Variants in RPS6KC1 observed in about 807,000 individuals in gnomAD.
The protein encoded by RPS6KC1 is ribosomal protein S6 kinase C1.
Under a neutral mutation model 103.8 loss-of-function variants are expected in RPS6KC1, and 54 were observed. That is an observed-to-expected ratio of 0.52 (90% CI 0.42 to 0.65). RPS6KC1 has a LOEUF of 0.65. Among genes scored for constraint, RPS6KC1 ranks in the 30% least tolerant of loss-of-function variants. RPS6KC1 has a pLI of 0.00. For synonymous variants in RPS6KC1, 439 were observed against 438.7 expected, an observed-to-expected ratio of 1.00 and a Z score of -0.01; for missense variants, 1,151 against 1,253.8, an observed-to-expected ratio of 0.92 and a Z score of 1.24.
the RPS6KC1 span, among the ~76,000 whole-genome samples, chr1:213,846,321 A>G: frequency 6.6e-6 from 1 of 151,914 alleles, no homozygotes; most frequent in African/African-American, 2.4e-5. Flanking sequence ...AAGAAAAAGA[A>G]AAAAGGGTAG....
chr1:213,343,808 T>TA, the RPS6KC1 span, among the ~76,000 whole-genome samples: 1 of 150,812 alleles, frequency 6.6e-6, no homozygotes. Flanking sequence ...AAATACAAAA[T>TA]AAAAAAAATA....
At chr1:213,218,000 G>A (rs573261514) in intron 8 of RPS6KC1, among the ~76,000 whole-genome samples, 4 of 152,152 alleles carry the variant, frequency 2.6e-5, no homozygotes, top group South Asian at 4.2e-4. Context: ...CCTATTGAAC[G>A]TATTGTTGAA....
chr1:213,065,084 C>T (rs2078205203), intron 1 of RPS6KC1, among the ~76,000 whole-genome samples: 6 of 146,322 alleles, frequency 4.1e-5, no homozygotes, highest in African/African-American at 1.5e-4. Context: ...TCAAGTGATT[C>T]TCCTGCCTCA....
At chr1:213,154,572 C>A (rs1328835516) in intron 6 of RPS6KC1, among the ~76,000 whole-genome samples, 1 of 152,226 alleles carries the variant, frequency 6.6e-6, no homozygotes, top group Non-Finnish European at 1.5e-5. Flanking sequence ...ATACTGCTGG[C>A]ATTCTCTTAA....
chr1:213,803,642 G>A, the RPS6KC1 span, among the ~76,000 whole-genome samples: 4 of 152,114 alleles, frequency 2.6e-5, no homozygotes, highest in African/African-American at 9.7e-5. Flanking sequence ...GTCAGGGGTG[G>A]CGAGGTTGTC....
intron 12 of RPS6KC1, among the ~76,000 whole-genome samples, chr1:213,245,053 A>T (rs969610697): frequency 6.6e-5 from 10 of 152,204 alleles, no homozygotes; most frequent in Admixed American, 6.5e-4. Context: ...CAGTGTTCTT[A>T]TTAAGATGAC....
the RPS6KC1 span, among the ~76,000 whole-genome samples, chr1:213,747,719 A>G: frequency 6.6e-6 from 1 of 152,192 alleles, no homozygotes; most frequent in Non-Finnish European, 1.5e-5. Context: ...ATTTTTTAGA[A>G]AAGAAAATCA....
chr1:213,862,554 C>T, the RPS6KC1 span, among the ~76,000 whole-genome samples: 2 of 152,012 alleles, frequency 1.3e-5, no homozygotes, highest in South Asian at 2.1e-4. Context: ...CTTTCTTCTC[C>T]GTTTCTATTT....
rs183704134 is a variant in RPS6KC1, at chr1:213,239,575, G to T, written c.1226-1127G>T. On this transcript the variant is annotated intron_variant, in intron 10 of 14. Coordinates refer to ENST00000366960, the MANE Select transcript of RPS6KC1 (RefSeq NM_012424.6). The stretch of plus-strand genomic sequence containing the variant: ...GACTTTTTTACACATGCAATTGACT[G>T]TCAGTGGTTATTTTCCTTAAGGTTT... 7.9e-5 allele frequency among the ~76,000 whole-genome samples: 12 copies of T among 152,248 alleles called. No individual in the cohort carries two copies. The East Asian group carries it at 1.9e-3, about 24-fold the overall frequency.
the RPS6KC1 span, among the ~76,000 whole-genome samples, chr1:213,550,629 A>G: frequency 6.6e-6 from 1 of 152,194 alleles, no homozygotes; most frequent in South Asian, 2.1e-4. Flanking sequence ...GAATCGCAGT[A>G]ACGCTCATCT....
At chr1:213,382,214 A>G in the RPS6KC1 span, among the ~76,000 whole-genome samples, 2 of 152,076 alleles carry the variant, frequency 1.3e-5, no homozygotes, top group African/African-American at 2.4e-5. Flanking sequence ...CAATATACAC[A>G]CTTTTCAGCT....
At chr1:213,087,857 G>A (rs1027577180) in intron 3 of RPS6KC1, among the ~76,000 whole-genome samples, 2 of 152,156 alleles carry the variant, frequency 1.3e-5, no homozygotes, top group Non-Finnish European at 2.9e-5. Context: ...CTGCAGAGTT[G>A]TTTCCTGTGT....
intron 8 of RPS6KC1, among the ~76,000 whole-genome samples, chr1:213,196,260 G>C (rs1558516588): frequency 1.3e-5 from 2 of 151,728 alleles, no homozygotes; most frequent in Non-Finnish European, 2.9e-5. Flanking sequence ...TCATATGTTT[G>C]TTGGCTATTT....
chr1:213,400,953 C>A, the RPS6KC1 span, among the ~76,000 whole-genome samples: 1 of 152,060 alleles, frequency 6.6e-6, no homozygotes, highest in African/African-American at 2.4e-5. Flanking sequence ...GTGATCTACC[C>A]GCCTTGGCCT....
the RPS6KC1 span, among the ~76,000 whole-genome samples, chr1:213,325,501 C>G: frequency 6.6e-6 from 1 of 152,242 alleles, no homozygotes; most frequent in African/African-American, 2.4e-5. Context: ...AGGGTACGCG[C>G]TCCATGCACT....
chr1:213,067,479 G>A (rs1406105729), intron 1 of RPS6KC1, among the ~76,000 whole-genome samples: 1 of 152,112 alleles, frequency 6.6e-6, no homozygotes, highest in East Asian at 1.9e-4. Context: ...GACATTAAGA[G>A]CCTTACATCA....
the RPS6KC1 span, among the ~76,000 whole-genome samples, chr1:213,445,862 C>T: frequency 1.3e-5 from 2 of 152,272 alleles, no homozygotes; most frequent in African/African-American, 2.4e-5. Context: ...TGCACAAAGC[C>T]GTCTCAAGGC....
the RPS6KC1 span, among the ~76,000 whole-genome samples, chr1:213,455,469 G>C: frequency 6.6e-6 from 1 of 152,192 alleles, no homozygotes; most frequent in East Asian, 1.9e-4. Context: ...GTAGGGGACA[G>C]GTACTGAGTT....
chr1:213,673,310 T>G, the RPS6KC1 span, among the ~76,000 whole-genome samples: 35 of 152,342 alleles, frequency 2.3e-4, no homozygotes, highest in East Asian at 6.4e-3. Flanking sequence ...AATCAGATAT[T>G]CTAAAAGACA....
Sources: gnomAD v4.1 joint callset for allele counts (sites outside exome capture counted in the v4.1 genomes callset) on GRCh38, gnomAD v4.1.1 for gene constraint, MANE v1.5 for transcripts, NCBI Gene and HGNC (gene_info 2026-07-23, HGNC 2026-07-21) for gene names.